ARHGAP10: variants seen among roughly 807,000 people sequenced by gnomAD.
The protein encoded by ARHGAP10 is rho GTPase-activating protein 10.
ARHGAP10 carries 87 observed loss-of-function variants against 108.6 expected under a neutral mutation model. The ratio of observed to expected loss-of-function variants is 0.80; its 90% CI spans 0.67 to 0.96. The LOEUF (loss-of-function observed/expected upper bound fraction) is 0.96. Among genes scored for constraint, ARHGAP10 ranks in the 40% least tolerant of loss-of-function variants. The probability of loss-of-function intolerance (pLI) is 0.00; values close to 1 mark genes in which losing one functional copy is unlikely to be tolerated. For missense variants in ARHGAP10, 939 were observed against 954.5 expected (o/e 0.98, Z 0.21); for synonymous variants, 347 against 341.1 (o/e 1.02, Z -0.19).
At chr4:147,910,949 T>C (rs1278211504) in intron 12 of ARHGAP10, among the ~76,000 whole-genome samples, 1 of 151,904 alleles carries the variant, frequency 6.6e-6, no homozygotes, top group Non-Finnish European at 1.5e-5. Flanking sequence ...CCTTCTTCCC[T>C]TCTCCCTCTC....
In ARHGAP10 at chr4:147,857,601, A is replaced by G. The variant is rs1734146582; in HGVS notation, c.433A>G (p.Ile145Val). 1.3e-6 allele frequency: 2 copies of G among 1,488,006 alleles called. No homozygotes were observed. Among genetic ancestry groups the G allele is most frequent in the Non-Finnish European group, 1.8e-6 (2 of 1,121,076 alleles). 92.2% of individuals were successfully genotyped at this position (1,488,006 alleles called of 1,614,324 possible). The part of the protein sequence containing the change: ...DKETEKNYSL[I>V]DKHLNLSAKK... Reference sequence around the variant, plus strand: ...AGAGACAGAAAAGAATTATAGTCTAATTGATAAACATTTGAATTTATCAGC... The same window carrying G: ...AGAGACAGAAAAGAATTATAGTCTAGTTGATAAACATTTGAATTTATCAGC... The change falls in exon 5 of 23, where the codon ATT (isoleucine) becomes GTT (valine). Residue 145 changes from isoleucine to valine, a missense_variant. Transcript: ENST00000336498.
At chr4:148,002,090 G>A (rs899136697) in intron 18 of ARHGAP10, among the ~76,000 whole-genome samples, 15 of 152,148 alleles carry the variant, frequency 9.9e-5, no homozygotes, top group Non-Finnish European at 8.8e-5. Context: ...TACATCCCAT[G>A]AATACCTAAT....
chr4:148,029,118 G>A (rs1728017547), intron 19 of ARHGAP10, among the ~76,000 whole-genome samples: 1 of 152,190 alleles, frequency 6.6e-6, no homozygotes, highest in Non-Finnish European at 1.5e-5. Flanking sequence ...TGGAAATAGT[G>A]TATATGGGAA....
At chr4:147,951,491 C>T (rs1738598673) in intron 15 of ARHGAP10, among the ~76,000 whole-genome samples, 1 of 150,976 alleles carries the variant, frequency 6.6e-6, no homozygotes, top group Non-Finnish European at 1.5e-5. Context: ...CTTTTTCACT[C>T]ATGCATTAAA....
At chr4:147,930,703 A>G (rs1737644525) in intron 13 of ARHGAP10, among the ~76,000 whole-genome samples, 1 of 151,828 alleles carries the variant, frequency 6.6e-6, no homozygotes, top group Non-Finnish European at 1.5e-5. Context: ...CTCCCTGTTT[A>G]CCATTTCTAT....
chr4:147,771,631 A>G (rs1295888059), intron 1 of ARHGAP10, among the ~76,000 whole-genome samples: 1 of 152,170 alleles, frequency 6.6e-6, no homozygotes, highest in Non-Finnish European at 1.5e-5. Flanking sequence ...TGCATGCATA[A>G]TGTTAGCTTT....
Position 148,003,290 on chromosome 4 carries a change from T to A in ARHGAP10, c.1717-19973T>A, listed in dbSNP as rs1578779997. Among the ~76,000 whole-genome samples the A allele has an allele frequency of 2.0e-5, 3 of 152,234 alleles. No individual in the cohort carries two copies. The South Asian group carries it at 6.2e-4, about 32-fold the overall frequency. On this transcript the variant is annotated intron_variant, in intron 18 of 22. Coordinates refer to ENST00000336498, the MANE Select transcript of ARHGAP10 (RefSeq NM_024605.4). ...CTGTGGTCTGAGAGATAGTTTGTTA[T>A]AATTTCTGTTCTTTTACTTTTGGTG... is the stretch of plus-strand genomic sequence containing the variant.
chr4:148,016,555 TC>T (rs1159009625), intron 18 of ARHGAP10, among the ~76,000 whole-genome samples: 1 of 152,120 alleles, frequency 6.6e-6, no homozygotes, highest in Non-Finnish European at 1.5e-5. Context: ...TTTTCTCTGT[TC>T]TTATAACACA....
chr4:147,787,317 A>G (rs1169573647), intron 1 of ARHGAP10, among the ~76,000 whole-genome samples: 1 of 152,226 alleles, frequency 6.6e-6, no homozygotes, highest in Non-Finnish European at 1.5e-5. Flanking sequence ...GAATAAAGGC[A>G]GGGTTGAAAC....
intron 10 of ARHGAP10, among the ~76,000 whole-genome samples, chr4:147,901,855 C>G (rs556594454): frequency 6.6e-6 from 1 of 152,182 alleles, no homozygotes; most frequent in African/African-American, 2.4e-5. Context: ...ATACAACCAT[C>G]TATCTTGAGT....
chr4:147,961,361 G>A (rs569157187), intron 16 of ARHGAP10, among the ~76,000 whole-genome samples: 3 of 152,168 alleles, frequency 2.0e-5, no homozygotes, highest in Non-Finnish European at 2.9e-5. Flanking sequence ...TCCTGCCCCG[G>A]TCTTTTGCCC....
chr4:147,781,861 A>C (rs1730551079), intron 1 of ARHGAP10, among the ~76,000 whole-genome samples: 2 of 151,930 alleles, frequency 1.3e-5, no homozygotes, highest in Non-Finnish European at 2.9e-5. Flanking sequence ...TCCATAGTTA[A>C]ATTCTTAGTC....
intron 1 of ARHGAP10, among the ~76,000 whole-genome samples, chr4:147,798,994 G>A (rs1456666371): frequency 1.0e-4 from 15 of 150,474 alleles, no homozygotes. Context: ...AGTTATTGAT[G>A]TTTACCATTG....
rs144516407 is a variant in ARHGAP10, at chr4:147,847,318, G to A, written c.384+96G>A. The A allele has an allele frequency of 1.1e-4, 122 of 1,085,072 alleles. 1 individual carries two copies. In the East Asian group the frequency reaches 2.6e-3, roughly 23 times the overall value. The allele number at this position is 1,085,072 out of a possible 1,614,324, so 67.2% of individuals were successfully genotyped here. A position where few individuals can be genotyped will look rare whatever the true frequency, so the allele number is the denominator to read the frequency against. ...ATTTGGCAGCTTTGAAGGAGATGCCGGAGCAAACCATCTGTTGTTTTGTTT... is the reference window on the plus strand; with the variant it reads ...ATTTGGCAGCTTTGAAGGAGATGCCAGAGCAAACCATCTGTTGTTTTGTTT... On this transcript the variant is annotated intron_variant, in intron 4 of 22. Coordinates refer to ENST00000336498, the MANE Select transcript of ARHGAP10 (RefSeq NM_024605.4).
At chr4:147,793,665 A>G (rs547207986) in intron 1 of ARHGAP10, among the ~76,000 whole-genome samples, 1 of 152,322 alleles carries the variant, frequency 6.6e-6, no homozygotes, top group Admixed American at 6.5e-5. Context: ...CTTCATGTGT[A>G]TACTGCTCAA....
At chr4:147,984,302 G>C (rs1739944966) in intron 18 of ARHGAP10, among the ~76,000 whole-genome samples, 1 of 152,224 alleles carries the variant, frequency 6.6e-6, no homozygotes, top group South Asian at 2.1e-4. Flanking sequence ...GCCCCAGGAA[G>C]CAGTTTCTTT....
intron 1 of ARHGAP10, among the ~76,000 whole-genome samples, chr4:147,773,927 C>A (rs900355794): frequency 6.6e-6 from 1 of 152,120 alleles, no homozygotes; most frequent in Non-Finnish European, 1.5e-5. Context: ...GTCTTGCAGC[C>A]ATTTGAGAAG....
rs201896843 is a variant in ARHGAP10 at position 147,854,442 on chromosome 4, C to A, written c.385-3111C>A. Among the ~76,000 whole-genome samples the A allele has an allele frequency of 2.6e-5, 4 of 152,270 alleles. No individual in the cohort carries two copies. The East Asian group carries it at 5.8e-4, about 22-fold the overall frequency. ...ACTCCTGATTGCATTTCTCTCCCAG[C>A]CTGTTTCACTCATTAGATTACTGCC... On this transcript the variant is annotated intron_variant, in intron 4 of 22. Transcript: ENST00000336498.
At chr4:147,771,095 G>A (rs1579023670) in intron 1 of ARHGAP10, among the ~76,000 whole-genome samples, 1 of 152,062 alleles carries the variant, frequency 6.6e-6, no homozygotes, top group East Asian at 1.9e-4. Context: ...TGTAATCCTA[G>A]CACTTTGGGA....
Sources: allele counts gnomAD v4.1 joint callset (sites outside exome capture counted in the v4.1 genomes callset), GRCh38; gene constraint gnomAD v4.1.1; transcripts MANE v1.5; gene names NCBI Gene and HGNC (gene_info 2026-07-23, HGNC 2026-07-21).